The following HIKESHI variants were observed in gnomAD, a reference collection of about 807,000 sequenced individuals.
HIKESHI encodes the protein protein Hikeshi.
Under a neutral mutation model 25.7 loss-of-function variants are expected in HIKESHI, and 13 were observed. The ratio of observed to expected loss-of-function variants is 0.51; its 90% CI spans 0.33 to 0.80. The LOEUF is 0.80. Ranked by LOEUF, HIKESHI falls within the 30% of genes least tolerant of loss-of-function variation. The pLI, the probability that HIKESHI is intolerant of heterozygous loss-of-function variation, is 0.02. For missense variants in HIKESHI, 174 were observed against 229.5 expected (o/e 0.76, Z 1.56); for synonymous variants, 76 against 78.7 (o/e 0.97, Z 0.18).
intron 2 of HIKESHI, among the ~76,000 whole-genome samples, chr11:86,325,697 C>T (rs1031246063): frequency 3.3e-5 from 5 of 151,354 alleles, no homozygotes; most frequent in South Asian, 2.1e-4. Context: ...TAGGGTGAAA[C>T]GCCATCTCTA....
chr11:86,334,264 G>C (rs2138394872), intron 2 of HIKESHI, among the ~76,000 whole-genome samples: 1 of 143,580 alleles, frequency 7.0e-6, no homozygotes, highest in East Asian at 2.2e-4. Context: ...GTGTGTGTGT[G>C]TGTGTGTGTA....
At chr11:86,337,649 T>A in intron 3 of HIKESHI, 119 bp downstream of exon 3, 1 of 1,145,284 alleles carries the variant, frequency 8.7e-7, no homozygotes, top group East Asian at 2.7e-5. Flanking sequence ...CATGTTTACA[T>A]TTTGTTTTGT....
intron 2 of HIKESHI, among the ~76,000 whole-genome samples, chr11:86,311,126 G>A (rs536759840): frequency 6.6e-6 from 1 of 152,302 alleles, no homozygotes; most frequent in East Asian, 1.9e-4. Flanking sequence ...AATATTTTCA[G>A]ATGGAGTGGT....
chr11:86,331,481 T>TCTC (rs1405898240), intron 2 of HIKESHI, among the ~76,000 whole-genome samples: 3 of 152,082 alleles, frequency 2.0e-5, no homozygotes, highest in Admixed American at 2.0e-4. Context: ...AAAGCTAGAC[T>TCTC]CTGTCTCAAA....
At chr11:86,319,724 A>G (rs1284147132) in intron 2 of HIKESHI, among the ~76,000 whole-genome samples, 1 of 152,164 alleles carries the variant, frequency 6.6e-6, no homozygotes, top group Non-Finnish European at 1.5e-5. Context: ...TTATACAAAG[A>G]TAATGTATTC....
At chr11:86,308,297 TAATATATATTATATATAA>T (rs1426333520) in intron 2 of HIKESHI, among the ~76,000 whole-genome samples, 1 of 52,398 alleles carries the variant, frequency 1.9e-5, no homozygotes. Flanking sequence ...ATATTACATA[TAATATATATTATATATAA>T]AATATATATT....
chr11:86,337,750 C>T (rs550036651), intron 3 of HIKESHI, among the ~76,000 whole-genome samples: 6 of 152,226 alleles, frequency 3.9e-5, no homozygotes, highest in African/African-American at 7.2e-5. Flanking sequence ...TTCCGCCTCC[C>T]GGGTTCAAGC....
chr11:86,318,476 A>C (rs375059286), intron 2 of HIKESHI, among the ~76,000 whole-genome samples: 17 of 152,142 alleles, frequency 1.1e-4, no homozygotes, highest in African/African-American at 4.1e-4. Context: ...TAATTTTCAG[A>C]GAATAGAGAA....
At chr11:86,321,467 C>G (rs1593837857) in intron 2 of HIKESHI, among the ~76,000 whole-genome samples, 1 of 152,192 alleles carries the variant, frequency 6.6e-6, no homozygotes, top group Non-Finnish European at 1.5e-5. Flanking sequence ...CTGCATCATA[C>G]AGTAATTAAA....
intron 1 of HIKESHI, among the ~76,000 whole-genome samples, chr11:86,303,020 G>T (rs1250392407): frequency 6.6e-6 from 1 of 152,176 alleles, no homozygotes; most frequent in African/African-American, 2.4e-5. Flanking sequence ...TTAATTGGAA[G>T]TTGGCTGAAA....
chr11:86,304,481 T>G (rs1212348133), intron 1 of HIKESHI, among the ~76,000 whole-genome samples: 1 of 150,830 alleles, frequency 6.6e-6, no homozygotes, highest in Admixed American at 6.6e-5. Flanking sequence ...ATGTTCTACC[T>G]CAGCTGCCAG....
At chr11:86,326,858 T>C (rs921525758) in intron 2 of HIKESHI, among the ~76,000 whole-genome samples, 8 of 152,210 alleles carry the variant, frequency 5.3e-5, no homozygotes, top group African/African-American at 1.9e-4. Context: ...AAATTGGGAC[T>C]GTTGTATGGA....
chr11:86,333,787 A>C (rs967941064), intron 2 of HIKESHI, among the ~76,000 whole-genome samples: 2 of 152,228 alleles, frequency 1.3e-5, no homozygotes, highest in African/African-American at 4.8e-5. Context: ...GGAATGAAAA[A>C]AAAAATAATT....
chr11:86,312,355 CTG>C (rs918057035), intron 2 of HIKESHI, among the ~76,000 whole-genome samples: 2 of 152,124 alleles, frequency 1.3e-5, no homozygotes, highest in African/African-American at 4.8e-5. Flanking sequence ...GGTTTAAAGT[CTG>C]TTTTATCAGA....
chr11:86,303,936 C>T (rs1021318875), intron 1 of HIKESHI, among the ~76,000 whole-genome samples: 2 of 152,058 alleles, frequency 1.3e-5, no homozygotes, highest in Non-Finnish European at 2.9e-5. Flanking sequence ...ATTTATTTTG[C>T]CTGGTGGTTA....
At chr11:86,303,589 T>C (rs550098768) in intron 1 of HIKESHI, 1 of 171,064 alleles carries the variant, frequency 5.8e-6, no homozygotes. Context: ...AAAAGCCTAT[T>C]TGGAATCCAT....
intron 2 of HIKESHI, among the ~76,000 whole-genome samples, chr11:86,308,058 TATATA>T (rs1299999136): frequency 1.6e-5 from 2 of 123,802 alleles, no homozygotes; most frequent in African/African-American, 3.2e-5. Context: ...TTACATATAA[TATATA>T]ATATGTATAT....
intron 2 of HIKESHI, among the ~76,000 whole-genome samples, chr11:86,317,602 C>G (rs1453394204): frequency 6.6e-6 from 1 of 151,876 alleles, no homozygotes; most frequent in Non-Finnish European, 1.5e-5. Context: ...GTGGGGAGTT[C>G]GAGACCAGCC....
At chr11:86,326,605 C>A in intron 2 of HIKESHI, 1 of 453,768 alleles carries the variant, frequency 2.2e-6, no homozygotes, top group Non-Finnish European at 4.4e-6. Flanking sequence ...TCAGAGGAGA[C>A]AGAATAGTGA....
Sources: gnomAD v4.1 joint callset for allele counts (sites outside exome capture counted in the v4.1 genomes callset) on GRCh38, gnomAD v4.1.1 for gene constraint, MANE v1.5 for transcripts, NCBI Gene and HGNC (gene_info 2026-07-23, HGNC 2026-07-21) for gene names.